The following UNC5D variants were observed in gnomAD, a reference collection of about 807,000 sequenced individuals.
The protein encoded by UNC5D is unc-5 netrin receptor D, also known as netrin receptor UNC5D.
A neutral mutation model predicts 105.4 loss-of-function variants in UNC5D; 39 were observed. The ratio of observed to expected loss-of-function variants is 0.37; its 90% CI spans 0.29 to 0.48. UNC5D has a LOEUF of 0.48. UNC5D is among the 20% of genes least tolerant of loss of function. UNC5D has a pLI of 0.98. For missense variants in UNC5D, 991 were observed against 1,202.4 expected, an observed-to-expected ratio of 0.82 and a Z score of 2.60; for synonymous variants, 452 against 450.4, an observed-to-expected ratio of 1.00 and a Z score of -0.04.
intron 4 of UNC5D, among the ~76,000 whole-genome samples, chr8:35,660,131 T>C (rs891461114): frequency 7.9e-5 from 12 of 152,214 alleles, no homozygotes; most frequent in Non-Finnish European, 2.9e-5. Context: ...GGCTATGTCA[T>C]TTACGTCCTC....
At chr8:35,748,386 G>C (rs1262348945) in intron 11 of UNC5D, 141 bp from the exon 12 acceptor site, 1 of 839,858 alleles carries the variant, frequency 1.2e-6, no homozygotes, top group African/African-American at 1.7e-5. Context: ...TTGTTCTCCA[G>C]ACCAGTCCTT....
chr8:35,441,126 G>T (rs1044912303), intron 1 of UNC5D, among the ~76,000 whole-genome samples: 1 of 151,780 alleles, frequency 6.6e-6, no homozygotes, highest in East Asian at 1.9e-4. Context: ...ATTTCATAAG[G>T]CTGGATCCAG....
At chr8:35,264,372 G>GAGAATAGGACATAA (rs1804694414) in intron 1 of UNC5D, among the ~76,000 whole-genome samples, 1 of 152,166 alleles carries the variant, frequency 6.6e-6, no homozygotes, top group Non-Finnish European at 1.5e-5. Flanking sequence ...ATAGGACATA[G>GAGAATAGGACATAA]AGAATACTTC....
intron 1 of UNC5D, chr8:35,525,409 T>C (rs1813794312): frequency 6.2e-7 from 1 of 1,612,192 alleles, no homozygotes; most frequent in South Asian, 1.1e-5. Flanking sequence ...TTGTGAATGG[T>C]CTGGAAGAGC....
intron 3 of UNC5D, among the ~76,000 whole-genome samples, chr8:35,590,540 G>A (rs1247010675): frequency 2.0e-5 from 3 of 151,780 alleles, no homozygotes; most frequent in Non-Finnish European, 4.4e-5. Context: ...TTATTTAAGT[G>A]TCTCTGAAAA....
intron 7 of UNC5D, among the ~76,000 whole-genome samples, chr8:35,695,272 G>A (rs974288695): frequency 2.0e-5 from 3 of 152,290 alleles, no homozygotes; most frequent in East Asian, 3.9e-4. Flanking sequence ...CCTCTGCTCA[G>A]CTGGTAGGAT....
intron 3 of UNC5D, among the ~76,000 whole-genome samples, chr8:35,575,711 A>G (rs753919542): frequency 2.6e-5 from 4 of 152,144 alleles, no homozygotes; most frequent in Non-Finnish European, 5.9e-5. Flanking sequence ...TTCCTCTCCC[A>G]TGGAAAAACA....
intron 1 of UNC5D, among the ~76,000 whole-genome samples, chr8:35,456,805 TA>T (rs1808528432): frequency 6.6e-6 from 1 of 152,212 alleles, no homozygotes; most frequent in Non-Finnish European, 1.5e-5. Flanking sequence ...CTGCATTCCT[TA>T]GTGAAGTTCT....
chr8:35,594,457 C>A (rs528336687), intron 3 of UNC5D, among the ~76,000 whole-genome samples: 151 of 152,224 alleles, frequency 9.9e-4, no homozygotes, highest in African/African-American at 3.5e-3. Flanking sequence ...AAATTCACAG[C>A]CTGTAATTTG....
chr8:35,376,835 G>A (rs750854167), intron 1 of UNC5D, among the ~76,000 whole-genome samples: 72 of 152,218 alleles, frequency 4.7e-4, no homozygotes, highest in African/African-American at 1.3e-3. Flanking sequence ...GTGTTCATCC[G>A]CCAGGAATGA....
intron 4 of UNC5D, among the ~76,000 whole-genome samples, chr8:35,624,326 C>A (rs1053654349): frequency 6.6e-6 from 1 of 152,206 alleles, no homozygotes. Context: ...TTAAGAATAT[C>A]TTTCCGCACA....
At position 35,616,926 on chromosome 8, in the gene UNC5D, CT is replaced by C. The variant is rs112932808; in HGVS notation, c.570+21271del. On this transcript the variant is annotated intron_variant, in intron 4 of 16. Transcript: ENST00000404895. ...TAGCGGCAATAAACAGTCTTTATAT[CT>C]TGAATTATGCAGAAGTAAAAGCAGT... 9.1e-3 allele frequency among the ~76,000 whole-genome samples: 1,389 copies of C among 152,262 alleles called. 21 individuals are homozygous for C. Among genetic ancestry groups the C allele is most frequent in the African/African-American group, 0.032 (1,332 of 41,530 alleles).
intron 4 of UNC5D, among the ~76,000 whole-genome samples, chr8:35,645,477 A>T (rs1822988646): frequency 6.6e-6 from 1 of 151,864 alleles, no homozygotes; most frequent in East Asian, 1.9e-4. Flanking sequence ...AAATAATAAG[A>T]TTACTTGAAC....
chr8:35,636,468 C>G (rs1158244928), intron 4 of UNC5D, among the ~76,000 whole-genome samples: 1 of 152,134 alleles, frequency 6.6e-6, no homozygotes, highest in East Asian at 1.9e-4. Flanking sequence ...CCCTGATGCC[C>G]CTTTAGTTGT....
At chr8:35,439,135 A>G (rs1336383696) in intron 1 of UNC5D, among the ~76,000 whole-genome samples, 5 of 151,874 alleles carry the variant, frequency 3.3e-5, no homozygotes, top group Admixed American at 3.3e-4. Flanking sequence ...TATGCCACAG[A>G]TTGCCTTACA....
intron 11 of UNC5D, among the ~76,000 whole-genome samples, chr8:35,733,638 A>G (rs1007206701): frequency 6.6e-6 from 1 of 152,190 alleles, no homozygotes; most frequent in East Asian, 1.9e-4. Context: ...CCACATCTTT[A>G]TGCTGTCTTG....
chr8:35,276,617 T>C (rs1805794066), intron 1 of UNC5D, among the ~76,000 whole-genome samples: 1 of 152,228 alleles, frequency 6.6e-6, no homozygotes, highest in Non-Finnish European at 1.5e-5. Flanking sequence ...TAAGCAATTT[T>C]CTGAGTTATG....
At chr8:35,732,023 G>A (rs892201064) in intron 11 of UNC5D, among the ~76,000 whole-genome samples, 1 of 152,234 alleles carries the variant, frequency 6.6e-6, no homozygotes, top group African/African-American at 2.4e-5. Context: ...CTCCACACAA[G>A]ATAAACCTGA....
At chr8:35,525,818 G>A in intron 1 of UNC5D, 1 of 1,423,988 alleles carries the variant, frequency 7.0e-7, no homozygotes, top group Non-Finnish European at 9.3e-7. Context: ...TAATTATACA[G>A]AAAAGCAATG....
Sources: gnomAD v4.1 joint callset for allele counts (sites outside exome capture counted in the v4.1 genomes callset) on GRCh38, gnomAD v4.1.1 for gene constraint, MANE v1.5 for transcripts, NCBI Gene and HGNC (gene_info 2026-07-23, HGNC 2026-07-21) for gene names.